CDH2: variants seen among roughly 807,000 people sequenced by gnomAD.
CDH2 encodes cadherin-2.
Under a neutral mutation model 92.0 loss-of-function variants are expected in CDH2, and 17 were observed. The ratio of observed to expected loss-of-function variants is 0.18; its 90% confidence interval spans 0.13 to 0.28. The LOEUF (loss-of-function observed/expected upper bound fraction) is 0.28, where lower values mean the gene tolerates loss of function less well. CDH2 is among the 10% of genes least tolerant of loss of function. The pLI, the probability that CDH2 is intolerant of heterozygous loss-of-function variation, is 1.00. For missense variants in CDH2, 862 were observed against 1,133.1 expected, an observed-to-expected ratio of 0.76 and a Z score of 3.44; for synonymous variants, 419 against 415.9, an observed-to-expected ratio of 1.01 and a Z score of -0.09.
At chr18:28,138,526 T>C (rs764134468) in intron 2 of CDH2, among the ~76,000 whole-genome samples, 42 of 151,892 alleles carry the variant, frequency 2.8e-4, no homozygotes, top group Non-Finnish European at 8.8e-5. Context: ...AAGAGAAGAG[T>C]AAACAAGAAT....
chr18:28,068,423 C>T (rs1029548079), intron 2 of CDH2, among the ~76,000 whole-genome samples: 2 of 146,494 alleles, frequency 1.4e-5, no homozygotes, highest in African/African-American at 4.9e-5. Context: ...GTTAAGTTAA[C>T]AAACACACAC....
At chr18:27,999,360 G>A (rs772731541) in intron 7 of CDH2, among the ~76,000 whole-genome samples, 11 of 152,204 alleles carry the variant, frequency 7.2e-5, no homozygotes, top group Non-Finnish European at 1.3e-4. Flanking sequence ...TACCACAGTG[G>A]AGACCCAGCA....
intron 2 of CDH2, among the ~76,000 whole-genome samples, chr18:28,130,473 A>G (rs966468395): frequency 6.6e-6 from 1 of 152,246 alleles, no homozygotes; most frequent in South Asian, 2.1e-4. Flanking sequence ...TGTAAAATGT[A>G]TTTCCGACAT....
At chr18:28,028,797 G>A (rs1049402008) in intron 2 of CDH2, among the ~76,000 whole-genome samples, 3 of 152,054 alleles carry the variant, frequency 2.0e-5, no homozygotes, top group Admixed American at 2.0e-4. Context: ...TACATTTTCT[G>A]AACATTGGCA....
rs774895186 is a variant in CDH2, at chr18:27,963,414, C to G, written c.2457G>C (p.Gln819His). 6.2e-7 allele frequency: 1 copy of G among 1,614,066 alleles called. No homozygotes were observed. The highest frequency in any genetic ancestry group is 8.5e-7 in the Non-Finnish European group (1 of 1,180,020). Residue 819 changes from glutamine to histidine, a missense_variant, in exon 15 of 16, where the codon CAG (glutamine) becomes CAC (histidine). Physicochemically the swap from Gln to His is conservative, Grantham distance 24. Coordinates refer to ENST00000269141, the MANE Select transcript of CDH2 (RefSeq NM_001792.5). ...GTGGGGCTGCAGATCGGACCGGATA[C>G]TGGGGCTCGGCGTGGATGGGTCTTT... is the stretch of plus-strand genomic sequence containing the variant. ...MDERPIHAEPQYPVRSAAPHP... is the reference protein window; with the variant it reads ...MDERPIHAEPHYPVRSAAPHP...
At chr18:28,036,848 A>C (rs1239884120) in intron 2 of CDH2, among the ~76,000 whole-genome samples, 1 of 152,178 alleles carries the variant, frequency 6.6e-6, no homozygotes, top group African/African-American at 2.4e-5. Context: ...CAACGTAAGA[A>C]TAAACTTTAA....
intron 2 of CDH2, among the ~76,000 whole-genome samples, chr18:28,118,620 C>CT (rs1435347056): frequency 6.6e-6 from 1 of 151,196 alleles, no homozygotes; most frequent in African/African-American, 2.4e-5. Flanking sequence ...TGTGCGCTGA[C>CT]TTTAGGTTGT....
intron 2 of CDH2, among the ~76,000 whole-genome samples, chr18:28,076,695 C>G (rs1286736838): frequency 7.4e-6 from 1 of 135,130 alleles, no homozygotes; most frequent in Non-Finnish European, 1.6e-5. Context: ...CCCCCCTCCC[C>G]CCACCCGACG....
chr18:28,089,433 A>C (rs1257552886), intron 2 of CDH2, among the ~76,000 whole-genome samples: 1 of 152,166 alleles, frequency 6.6e-6, no homozygotes, highest in Non-Finnish European at 1.5e-5. Context: ...TAATCATTAC[A>C]GTCAGTAGTG....
chr18:28,038,422 A>AGTGTGT lies in CDH2; in HGVS notation c.173-24519_173-24514dup, dbSNP rs57601293. ...TGGGTGACAGTGAGACCTTGTCTCA[A>AGTGTGT]GTGTGTGTGTGTGTGTGTGTGTGTG... On this transcript the variant is annotated intron_variant, in intron 2 of 15. Coordinates refer to ENST00000269141, the MANE Select transcript of CDH2 (RefSeq NM_001792.5). Among the ~76,000 whole-genome samples, 1,137 of 142,350 alleles carry AGTGTGT rather than the reference A, an allele frequency of 8.0e-3. 7 individuals are homozygous for AGTGTGT. Among genetic ancestry groups the AGTGTGT allele is most frequent in the African/African-American group, 0.018 (679 of 38,476 alleles). 93.4% of individuals were successfully genotyped at this position (142,350 alleles called of 152,430 possible). A position where few individuals can be genotyped will look rare whatever the true frequency, so the allele number is the denominator to read the frequency against.
chr18:28,060,985 G>A (rs1187138068), intron 2 of CDH2, among the ~76,000 whole-genome samples: 1 of 152,090 alleles, frequency 6.6e-6, no homozygotes, highest in African/African-American at 2.4e-5. Context: ...TTACACCTCT[G>A]TGTTTCTTCC....
chr18:28,170,986 C>T (rs11661487), intron 1 of CDH2, among the ~76,000 whole-genome samples: 42,557 of 151,064 alleles, frequency 0.28, 6,952 homozygotes, highest in African/African-American at 0.45. Context: ...CCGAGCACTT[C>T]GGGAGGCCGA....
chr18:28,092,878 C>T (rs2015061793), intron 2 of CDH2, among the ~76,000 whole-genome samples: 1 of 152,116 alleles, frequency 6.6e-6, no homozygotes, highest in South Asian at 2.1e-4. Flanking sequence ...TGGAATCCAC[C>T]AATATTCCAG....
chr18:28,164,907 T>C (rs942504670), intron 1 of CDH2, among the ~76,000 whole-genome samples: 3 of 152,190 alleles, frequency 2.0e-5, no homozygotes, highest in Non-Finnish European at 4.4e-5. Flanking sequence ...TGTTAAAATT[T>C]AAGGAGGATT....
At chr18:28,023,003 C>A (rs1325400856) in intron 2 of CDH2, among the ~76,000 whole-genome samples, 1 of 151,998 alleles carries the variant, frequency 6.6e-6, no homozygotes, top group Non-Finnish European at 1.5e-5. Context: ...AATATTTAAA[C>A]ACACAATGTA....
intron 2 of CDH2, among the ~76,000 whole-genome samples, chr18:28,058,615 A>G (rs549190870): frequency 6.6e-6 from 1 of 152,292 alleles, no homozygotes; most frequent in Non-Finnish European, 1.5e-5. Context: ...TTCCTTGTTT[A>G]TGCCTACTTT....
intron 14 of CDH2, among the ~76,000 whole-genome samples, chr18:27,971,268 C>T (rs58596578): frequency 0.35 from 51,398 of 147,568 alleles, 9,986 homozygotes; most frequent in Non-Finnish European, 0.44. Flanking sequence ...GATTTGGTAG[C>T]TGCTAGAACA....
chr18:28,166,513 G>A (rs2016388255), intron 1 of CDH2, among the ~76,000 whole-genome samples: 1 of 151,916 alleles, frequency 6.6e-6, no homozygotes, highest in African/African-American at 2.4e-5. Flanking sequence ...CTCCCCAAAT[G>A]TTCTTATCTG....
intron 6 of CDH2, among the ~76,000 whole-genome samples, chr18:27,933,212 G>T (rs1373848183): frequency 6.6e-6 from 1 of 152,056 alleles, no homozygotes; most frequent in Non-Finnish European, 1.5e-5. Flanking sequence ...TATACTGATG[G>T]TAATATTAAA....
Sources: allele counts gnomAD v4.1 joint callset (sites outside exome capture counted in the v4.1 genomes callset), GRCh38; gene constraint gnomAD v4.1.1; transcripts MANE v1.5; gene names NCBI Gene and HGNC (gene_info 2026-07-23, HGNC 2026-07-21).